Variants in RSF1 observed in about 807,000 individuals in gnomAD.
The protein encoded by RSF1 is HBV pX-associated protein 8.
RSF1 carries 13 observed loss-of-function variants against 145.2 expected under a neutral mutation model. The observed-to-expected ratio is 0.09, with a 90% CI of 0.06 to 0.14. RSF1 has a LOEUF of 0.14. Among genes scored for constraint, RSF1 ranks in the 10% least tolerant of loss-of-function variants. The pLI is 1.00. For synonymous variants in RSF1, 577 were observed against 592.6 expected (o/e 0.97, Z 0.38); for missense variants, 1,517 against 1,718.2 (o/e 0.88, Z 2.07).
chr11:77,711,722 C>T (rs1960690472), intron 5 of RSF1, among the ~76,000 whole-genome samples: 1 of 152,062 alleles, frequency 6.6e-6, no homozygotes, highest in African/African-American at 2.4e-5. Flanking sequence ...CCCTACTTTC[C>T]CTAATGTTAA....
rs1960425592 is a variant in RSF1 at position 77,701,620 on chromosome 11, T to C, written c.1609A>G (p.Met537Val). ...TCAGAAGAATCAAGAGAAGTTTCCA[T>C]TTCTGGAGGATCGGGTTCCTCTATT... ...AQIEEPDPPE[M>V]ETSLDSSEMA... is the part of the protein sequence containing the mutation. Residue 537 changes from methionine to valine, a missense_variant, in exon 6 of 16, where the codon ATG becomes GTG. Physicochemically the swap from Met to Val is conservative, Grantham distance 21 (BLOSUM62 1). This residue lies in a region of RSF1 where 579 missense variants were observed against 553.5 expected (regional missense o/e 1.05). Transcript: ENST00000308488. 1 of 1,614,136 alleles carries C rather than the reference T, an allele frequency of 6.2e-7. No individual in the cohort carries two copies. The highest frequency in any genetic ancestry group is 8.5e-7 in the Non-Finnish European group (1 of 1,180,014).
intron 3 of RSF1, among the ~76,000 whole-genome samples, chr11:77,746,138 A>G (rs901301817): frequency 1.3e-5 from 2 of 152,130 alleles, no homozygotes; most frequent in East Asian, 1.9e-4. Context: ...AGTTATGAGT[A>G]TAATTTCTAT....
At chr11:77,813,607 G>C (rs1948751543) in intron 1 of RSF1, 1 of 640,474 alleles carries the variant, frequency 1.6e-6, no homozygotes, top group African/African-American at 1.8e-5. Context: ...CGGCTCGTTA[G>C]AGTGATTCAA....
At chr11:77,715,639 G>C (rs1960790304) in intron 5 of RSF1, among the ~76,000 whole-genome samples, 1 of 152,206 alleles carries the variant, frequency 6.6e-6, no homozygotes, top group African/African-American at 2.4e-5. Flanking sequence ...GTAGAGACGG[G>C]GTTTCACAAT....
intron 1 of RSF1, among the ~76,000 whole-genome samples, chr11:77,795,072 T>C (rs186499502): frequency 6.6e-6 from 1 of 151,966 alleles, no homozygotes; most frequent in Admixed American, 6.6e-5. Flanking sequence ...GAAAAAGGAA[T>C]CAAGAAGGCA....
chr11:77,808,688 T>C (rs929095188), intron 1 of RSF1, among the ~76,000 whole-genome samples: 1 of 135,382 alleles, frequency 7.4e-6, no homozygotes. Flanking sequence ...CGCCCGCCAC[T>C]ACGCCCGGCT....
At chr11:77,704,216 G>C (rs1960490207) in intron 5 of RSF1, among the ~76,000 whole-genome samples, 2 of 152,060 alleles carry the variant, frequency 1.3e-5, no homozygotes, top group South Asian at 2.1e-4. Context: ...GATCACTGGA[G>C]CCCAGGAGTT....
At chr11:77,718,676 ATAGC>A (rs780452113) in intron 5 of RSF1, among the ~76,000 whole-genome samples, 9 of 152,194 alleles carry the variant, frequency 5.9e-5, no homozygotes, top group Non-Finnish European at 1.3e-4. Context: ...CAGAAAACAG[ATAGC>A]TTTTTCTCCA....
At chr11:77,754,647 G>A (rs1288754121) in intron 2 of RSF1, among the ~76,000 whole-genome samples, 1 of 151,674 alleles carries the variant, frequency 6.6e-6, no homozygotes, top group Non-Finnish European at 1.5e-5. Context: ...GGGGTGAGGG[G>A]GTGGGGCTGA....
chr11:77,735,009 G>A, intron 4 of RSF1: 2 of 1,583,786 alleles, frequency 1.3e-6, no homozygotes, highest in Non-Finnish European at 1.7e-6. Context: ...GCACCTGTGA[G>A]GTGGACGTGG....
At chr11:77,822,796 G>T (rs112487734), upstream of RSF1, among the ~76,000 whole-genome samples, 127 of 152,284 alleles carry the variant, frequency 8.3e-4, 1 homozygote, top group East Asian at 4.0e-3. Context: ...AAGAAATACT[G>T]ATGTAAGAAA....
chr11:77,835,936 A>G, the RSF1 span, among the ~76,000 whole-genome samples: 4 of 152,144 alleles, frequency 2.6e-5, no homozygotes, highest in Non-Finnish European at 5.9e-5. Context: ...AATAATAAAA[A>G]TAAAGTTGGA....
At chr11:77,731,348 T>C (rs530901014) in intron 4 of RSF1, among the ~76,000 whole-genome samples, 4 of 152,226 alleles carry the variant, frequency 2.6e-5, no homozygotes, top group Non-Finnish European at 4.4e-5. Context: ...AGAGGTGACC[T>C]GAGTGCTGTT....
chr11:77,801,621 G>A (rs1219472890), intron 1 of RSF1, among the ~76,000 whole-genome samples: 1 of 151,832 alleles, frequency 6.6e-6, no homozygotes, highest in East Asian at 1.9e-4. Context: ...TAACATGCGT[G>A]TCTACACAGA....
rs752652254 is a variant in RSF1 at position 77,698,604 on chromosome 11, G to A, written c.2598C>T (p.Gly866=). The A allele has an allele frequency of 9.9e-6, 16 of 1,613,898 alleles. 1 individual carries two copies. In the South Asian group the frequency reaches 1.6e-4, roughly 17 times the overall value. The change falls in exon 7 of 16, where the codon GGC becomes GGT. Residue 866 remains glycine (G), a synonymous_variant. Transcript: ENST00000308488. ...CTGAAGCTGCAGATGATTTTTCACT[G>A]CCAGACCCTTCACTTTCATCATTGC... is the stretch of plus-strand genomic sequence containing the variant. ...YSSNDESEGS[G]SEKSSAASEE...
Position 77,702,233 on chromosome 11 carries a change from A to T in RSF1, c.996T>A (p.Asp332Glu). The T allele has an allele frequency of 1.2e-6, 2 of 1,613,650 alleles. No homozygotes were observed. Among genetic ancestry groups the T allele is most frequent in the Non-Finnish European group, 1.7e-6 (2 of 1,179,924 alleles). The change falls in exon 6 of 16, where the codon GAT becomes GAA. Residue 332 changes from aspartate to glutamate, a missense_variant. Transcript: ENST00000308488. ...CCATGCTACTTTTGGTATCTTTAGG[A>T]TCTGCTCTACATTCCTTCACCTCAA... ...IKVEVKECRA[D>E]PKDTKSSMEK...
chr11:77,819,905 C>A (rs947059632), intron 1 of RSF1, among the ~76,000 whole-genome samples: 2 of 151,846 alleles, frequency 1.3e-5, no homozygotes, highest in African/African-American at 4.8e-5. Context: ...GACCTCCCCA[C>A]TTCAAGGAAG....
the RSF1 span, among the ~76,000 whole-genome samples, chr11:77,844,926 T>C: frequency 2.0e-5 from 3 of 152,218 alleles, no homozygotes; most frequent in Non-Finnish European, 4.4e-5. Context: ...ACTTTCAATA[T>C]GCCATCCCAC....
chr11:77,733,124 T>A (rs1174294723), intron 4 of RSF1, among the ~76,000 whole-genome samples: 1 of 152,232 alleles, frequency 6.6e-6, no homozygotes, highest in East Asian at 1.9e-4. Flanking sequence ...GATAATAGTT[T>A]GTTAACATTT....
Sources: allele counts gnomAD v4.1 joint callset (sites outside exome capture counted in the v4.1 genomes callset), GRCh38; gene constraint gnomAD v4.1.1; regional missense constraint gnomAD v4.1.1; transcripts MANE v1.5; gene names NCBI Gene and HGNC (gene_info 2026-07-23, HGNC 2026-07-21).